RAB9B: variants seen among roughly 807,000 people sequenced by gnomAD.
RAB9B encodes RAB9B, member RAS oncogene family.
In RAB9B, 1 loss-of-function variant was observed where a neutral mutation model predicts 8.9. The observed-to-expected ratio is 0.11, with a 90% CI of 0.04 to 0.53. RAB9B has a LOEUF of 0.53. Among genes scored for constraint, RAB9B ranks in the 20% least tolerant of loss-of-function variants. RAB9B has a pLI of 0.93. For missense variants in RAB9B, 82 were observed against 152.9 expected, an observed-to-expected ratio of 0.54 and a Z score of 2.45; for synonymous variants, 63 against 57.0, an observed-to-expected ratio of 1.10 and a Z score of -0.47.
chrX:103,784,858 C>T, the RAB9B span, among the ~76,000 whole-genome samples: 3,094 of 111,827 alleles, frequency 0.028, 109 homozygotes, highest in African/African-American at 0.094. Context: ...CTTCATATCC[C>T]GTATAACACC....
chrX:103,791,549 A>G, the RAB9B span: 1 of 112,299 alleles, frequency 8.9e-6, no homozygotes, highest in Non-Finnish European at 1.9e-5. Context: ...TCTGTTAATT[A>G]GTTGTGTACT....
the RAB9B span, among the ~76,000 whole-genome samples, chrX:103,804,345 C>T: frequency 8.9e-6 from 1 of 112,203 alleles, no homozygotes; most frequent in Non-Finnish European, 1.9e-5. Context: ...AATTCTATCC[C>T]ATTGACCTAT....
chrX:103,779,333 G>A, the RAB9B span, among the ~76,000 whole-genome samples: 2 of 112,422 alleles, frequency 1.8e-5, no homozygotes, highest in Non-Finnish European at 3.7e-5. Flanking sequence ...TTGCCAAGCA[G>A]TGTAGTTTTG....
downstream of RAB9B, among the ~76,000 whole-genome samples, chrX:103,819,151 G>T (rs1208013533): frequency 9.0e-6 from 1 of 111,726 alleles, no homozygotes; most frequent in Non-Finnish European, 1.9e-5. Flanking sequence ...AGTGTGATTT[G>T]TATTTTTACT....
the RAB9B span, among the ~76,000 whole-genome samples, chrX:103,814,928 A>G: frequency 1.8e-5 from 2 of 111,962 alleles, no homozygotes; most frequent in South Asian, 7.4e-4. Flanking sequence ...AGGTTCTGAA[A>G]TTGAGACAAT....
the RAB9B span, among the ~76,000 whole-genome samples, chrX:103,777,545 C>T: frequency 8.9e-6 from 1 of 112,130 alleles, no homozygotes; most frequent in East Asian, 2.8e-4. Context: ...AATGGCTTGA[C>T]CATGGGAAAC....
the RAB9B span, among the ~76,000 whole-genome samples, chrX:103,781,665 T>C: frequency 8.9e-6 from 1 of 112,497 alleles, no homozygotes; most frequent in African/African-American, 3.2e-5. Flanking sequence ...TTGTACTGAA[T>C]TCACATAAAC....
the RAB9B span, chrX:103,790,981 G>T: frequency 4.4e-6 from 1 of 227,269 alleles, no homozygotes; most frequent in Non-Finnish European, 8.0e-6. Flanking sequence ...AGATGCTCAG[G>T]TACAGAGAAG....
the RAB9B span, among the ~76,000 whole-genome samples, chrX:103,813,745 C>CAAAAAAAAAAAA: frequency 4.7e-4 from 4 of 8,541 alleles, 2 homozygotes; most frequent in Non-Finnish European, 7.6e-4. Context: ...AAATGGAAAG[C>CAAAAAAAAAAAA]AAAAAAAAAA....
At position 103,823,042 on chromosome X, in the gene RAB9B, C is replaced by A. The variant is rs1444409182; in HGVS notation, c.*2137G>T. On this transcript the variant is annotated 3_prime_UTR_variant, in exon 3 of 3. Transcript: ENST00000243298. The stretch of plus-strand genomic sequence containing the variant: ...TGACCACATGCCACTCTAATAGAGA[C>A]AAATACTTTTGTGAGTTGATAGAGG... 5 of 110,334 alleles carry A rather than the reference C, an allele frequency of 4.5e-5. No individual in the cohort carries two copies. The highest frequency in any genetic ancestry group is 1.7e-4 in the African/African-American group (5 of 30,274). 9.1% of individuals were successfully genotyped at this position (110,334 alleles called of 1,213,427 possible).
At chrX:103,831,783 C>A (rs1164582685) in intron 1 of RAB9B, among the ~76,000 whole-genome samples, 1 of 109,990 alleles carries the variant, frequency 9.1e-6, no homozygotes, top group Non-Finnish European at 1.9e-5. Flanking sequence ...TCGGCTGTGG[C>A]GCATGCGCAC....
intron 1 of RAB9B, among the ~76,000 whole-genome samples, 179 bp downstream of exon 1, chrX:103,831,881 C>G (rs1036996745): frequency 9.0e-6 from 1 of 110,848 alleles, no homozygotes; most frequent in African/African-American, 3.3e-5. Context: ...CCCCCCTGCA[C>G]TGTCACCTGC....
chrX:103,821,245 A>G (rs1248405510), downstream of RAB9B, among the ~76,000 whole-genome samples: 1 of 110,953 alleles, frequency 9.0e-6, no homozygotes, highest in African/African-American at 3.3e-5. Context: ...ATATTCTAAA[A>G]GTTGCATCAT....
At chrX:103,786,806 A>G in the RAB9B span, 3 of 1,038,363 alleles carry the variant, frequency 2.9e-6, no homozygotes, top group East Asian at 3.0e-5. Context: ...GTCCCCACCC[A>G]AGGCTGGGTC....
chrX:103,821,776 A>G (rs1326393135), downstream of RAB9B, among the ~76,000 whole-genome samples: 2 of 111,538 alleles, frequency 1.8e-5, no homozygotes, highest in Non-Finnish European at 3.8e-5. Flanking sequence ...GTTTATTATA[A>G]TATTTTTTCT....
At chrX:103,776,788 G>A in the RAB9B span, 1 of 434,594 alleles carries the variant, frequency 2.3e-6, no homozygotes, top group Non-Finnish European at 4.1e-6. Context: ...GAGGAGAGGA[G>A]GAGGAAAGCA....
chrX:103,786,821 C>T, the RAB9B span: 2 of 932,650 alleles, frequency 2.1e-6, no homozygotes, highest in Non-Finnish European at 3.1e-6. Context: ...TGGGTCCTCT[C>T]TAGGGGCCTG....
At chrX:103,805,028 T>C in the RAB9B span, among the ~76,000 whole-genome samples, 234 of 111,790 alleles carry the variant, frequency 2.1e-3, 4 homozygotes, top group East Asian at 0.057. Flanking sequence ...TGGTTAGAAC[T>C]TCCATTACAA....
chrX:103,794,028 T>C, the RAB9B span, among the ~76,000 whole-genome samples: 3 of 111,797 alleles, frequency 2.7e-5, no homozygotes, highest in African/African-American at 6.5e-5. Flanking sequence ...AACTACTAAG[T>C]ATTGTGTTAA....
Sources: allele counts gnomAD v4.1 joint callset (sites outside exome capture counted in the v4.1 genomes callset), GRCh38; gene constraint gnomAD v4.1.1; transcripts MANE v1.5; gene names NCBI Gene and HGNC (gene_info 2026-07-23, HGNC 2026-07-21).